The following HLCS variants were observed in gnomAD, a reference collection of about 807,000 sequenced individuals.
The protein encoded by HLCS is holocarboxylase synthetase.
Under a neutral mutation model 75.0 loss-of-function variants are expected in HLCS, and 53 were observed. The observed-to-expected ratio is 0.71, with a 90% confidence interval of 0.57 to 0.89. HLCS has a LOEUF of 0.89. Among genes scored for constraint, HLCS ranks in the 40% least tolerant of loss-of-function variants. The probability of loss-of-function intolerance (pLI) is 0.00; values close to 1 mark genes in which losing one functional copy is unlikely to be tolerated. For synonymous variants in HLCS, 431 were observed against 428.6 expected (o/e 1.01, Z -0.07); for missense variants, 966 against 1,074.0 (o/e 0.90, Z 1.41).
intron 2 of HLCS, among the ~76,000 whole-genome samples, chr21:36,942,417 A>AG (rs2067190031): frequency 1.9e-5 from 2 of 105,584 alleles, no homozygotes; most frequent in African/African-American, 6.7e-5. Context: ...AAAAAAAAAA[A>AG]AAAAAAAAAA....
chr21:36,935,162 A>G (rs2066821864), intron 4 of HLCS, among the ~76,000 whole-genome samples: 2 of 152,198 alleles, frequency 1.3e-5, no homozygotes, highest in Admixed American at 1.3e-4. Flanking sequence ...TCGGGTTTTT[A>G]AGTGGATTTT....
intron 5 of HLCS, among the ~76,000 whole-genome samples, chr21:36,906,942 C>A (rs997579412): frequency 2.0e-5 from 3 of 152,008 alleles, no homozygotes; most frequent in African/African-American, 7.2e-5. Context: ...CAGCGTCTTG[C>A]GCTACCACCC....
intron 6 of HLCS, among the ~76,000 whole-genome samples, chr21:36,809,277 C>A (rs542320809): frequency 3.9e-4 from 60 of 152,072 alleles, no homozygotes; most frequent in Non-Finnish European, 7.5e-4. Context: ...AAATGTTATT[C>A]CATGCCGTTC....
intron 1 of HLCS, among the ~76,000 whole-genome samples, chr21:36,975,341 C>T (rs2068907243): frequency 6.6e-6 from 1 of 152,064 alleles, no homozygotes; most frequent in South Asian, 2.1e-4. Context: ...TCCCTTCTTT[C>T]TAGTCCAGGC....
Position 36,922,668 on chromosome 21 carries a change from G to A in HLCS, c.1620+7583C>T, listed in dbSNP as rs75423263. Among the ~76,000 whole-genome samples the A allele has an allele frequency of 2.3e-3, 345 of 152,314 alleles. 1 individual carries two copies. The highest frequency in any genetic ancestry group is 0.022 in the East Asian group (116 of 5,178). On this transcript the variant is annotated intron_variant, in intron 5 of 10. Coordinates refer to ENST00000674895, the MANE Select transcript of HLCS (RefSeq NM_001352514.2). ...AGGAAGCCCGCAAAATCCTCCTGGT[G>A]CTGCCCAGCATCGGCCGAGCTCCAG...
At chr21:36,797,321 C>A (rs1466006465) in intron 6 of HLCS, among the ~76,000 whole-genome samples, 1 of 151,934 alleles carries the variant, frequency 6.6e-6, no homozygotes, top group Non-Finnish European at 1.5e-5. Flanking sequence ...AGTATTGGCT[C>A]CCATATCCAC....
At chr21:36,920,670 TA>T (rs2066125133) in intron 5 of HLCS, among the ~76,000 whole-genome samples, 1 of 152,110 alleles carries the variant, frequency 6.6e-6, no homozygotes, top group Non-Finnish European at 1.5e-5. Context: ...AAATTAAAAT[TA>T]AAAAAAATTT....
At chr21:36,863,045 G>A (rs1327073595) in intron 6 of HLCS, among the ~76,000 whole-genome samples, 2 of 150,680 alleles carry the variant, frequency 1.3e-5, no homozygotes, top group Non-Finnish European at 2.9e-5. Flanking sequence ...ACTACATCGC[G>A]CCACTGAGCC....
chr21:36,956,252 G>C (rs529774384), intron 2 of HLCS, among the ~76,000 whole-genome samples: 1 of 152,094 alleles, frequency 6.6e-6, no homozygotes, highest in Non-Finnish European at 1.5e-5. Context: ...ATGGACTCAG[G>C]GGGTGGGGAG....
chr21:36,938,787 A>G, intron 3 of HLCS, 45 bp downstream of exon 3: 1 of 1,584,538 alleles, frequency 6.3e-7, no homozygotes, highest in Non-Finnish European at 8.7e-7. Flanking sequence ...TACAGGCATG[A>G]GCCACTATGC....
intron 6 of HLCS, among the ~76,000 whole-genome samples, chr21:36,889,982 C>T (rs1038461250): frequency 7.2e-5 from 11 of 152,098 alleles, no homozygotes; most frequent in Non-Finnish European, 1.5e-4. Flanking sequence ...TGGAGGTAAT[C>T]GGATCATGGG....
Position 36,924,198 on chromosome 21 carries a change from T to TCAACAAGAG in HLCS, c.1620+6052_1620+6053insCTCTTGTTG. On this transcript the variant is annotated intron_variant, in intron 5 of 10. Transcript: ENST00000674895. ...AATAGGAGAAGGGGAGGACTCCACATCAAGTACTATGTTAAAAAATGGCAG... is the reference window on the plus strand; with the variant it reads ...AATAGGAGAAGGGGAGGACTCCACATCAACAAGAGCAAGTACTATGTTAAAAAATGGCAG... Among the ~76,000 whole-genome samples the TCAACAAGAG allele has an allele frequency of 2.0e-5, 3 of 152,352 alleles. No homozygotes were observed. The South Asian group carries it at 6.2e-4, about 32-fold the overall frequency.
chr21:36,814,753 G>A (rs1411187045), intron 6 of HLCS, among the ~76,000 whole-genome samples: 1 of 152,202 alleles, frequency 6.6e-6, no homozygotes, highest in Non-Finnish European at 1.5e-5. Flanking sequence ...TAACATGTGG[G>A]TTCTGATTGG....
At chr21:36,765,835 C>T (rs1461807479) in intron 7 of HLCS, among the ~76,000 whole-genome samples, 2 of 152,104 alleles carry the variant, frequency 1.3e-5, no homozygotes, top group Non-Finnish European at 2.9e-5. Flanking sequence ...TTAGTAGAGA[C>T]AGGGTTTCAC....
chr21:36,844,811 C>T (rs934856099), intron 6 of HLCS, among the ~76,000 whole-genome samples: 3 of 151,956 alleles, frequency 2.0e-5, no homozygotes, highest in Middle Eastern at 3.4e-3. Flanking sequence ...GAAATCCGAT[C>T]GATTGGGTCC....
intron 9 of HLCS, chr21:36,757,074 G>A: frequency 2.4e-6 from 1 of 422,822 alleles, no homozygotes; most frequent in Non-Finnish European, 3.2e-6. Context: ...TATCAGTGTT[G>A]CCTCTGAAAT....
chr21:36,970,819 C>T (rs999043542), upstream of HLCS, among the ~76,000 whole-genome samples: 2 of 151,916 alleles, frequency 1.3e-5, no homozygotes, highest in South Asian at 2.1e-4. Flanking sequence ...AGTGAAACCC[C>T]GTCTCTATTA....
At chr21:36,831,717 A>G (rs1437110970) in intron 6 of HLCS, among the ~76,000 whole-genome samples, 1 of 152,228 alleles carries the variant, frequency 6.6e-6, no homozygotes, top group Non-Finnish European at 1.5e-5. Context: ...AAGTTATTGT[A>G]TCACAGCAGC....
chr21:36,869,121 T>A (rs796828118), intron 6 of HLCS, among the ~76,000 whole-genome samples: 38,019 of 150,994 alleles, frequency 0.25, 5,212 homozygotes, highest in African/African-American at 0.36. Flanking sequence ...TTTATTTATT[T>A]ATTTATTTAT....
Sources: allele counts gnomAD v4.1 joint callset (sites outside exome capture counted in the v4.1 genomes callset), GRCh38; gene constraint gnomAD v4.1.1; transcripts MANE v1.5; gene names NCBI Gene and HGNC (gene_info 2026-07-23, HGNC 2026-07-21).